The following CDH4 variants were observed in gnomAD, a reference collection of about 807,000 sequenced individuals.
CDH4 encodes cadherin-4.
A neutral mutation model predicts 86.0 loss-of-function variants in CDH4; 33 were observed. The ratio of observed to expected loss-of-function variants is 0.38; its 90% confidence interval spans 0.29 to 0.51. The LOEUF is 0.51. CDH4 is among the 20% of genes least tolerant of loss of function. CDH4 has a pLI of 0.86. For synonymous variants in CDH4, 555 were observed against 549.4 expected (o/e 1.01, Z -0.14); for missense variants, 1,114 against 1,307.4 (o/e 0.85, Z 2.28).
rs111999856 is a variant in CDH4 at position 61,793,120 on chromosome 20, G to A, written c.576+19938G>A. Among the ~76,000 whole-genome samples, 242 of 151,950 alleles carry A rather than the reference G, an allele frequency of 1.6e-3. 1 individual carries two copies. The highest frequency in any genetic ancestry group is 5.7e-3 in the African/African-American group (235 of 41,426). On this transcript the variant is annotated intron_variant, in intron 4 of 15. Coordinates refer to ENST00000614565, the MANE Select transcript of CDH4 (RefSeq NM_001794.5). ...TGGGATTACAAGCGCCTGCCACTAC[G>A]CCCAACTAATTTTTTGTATTTTTTA... is the stretch of plus-strand genomic sequence containing the variant.
chr20:61,598,512 C>T (rs560056541), intron 2 of CDH4, among the ~76,000 whole-genome samples: 61 of 152,256 alleles, frequency 4.0e-4, no homozygotes, highest in Non-Finnish European at 8.2e-4. Flanking sequence ...CCTCCTGAAA[C>T]AAAAGGGACC....
intron 7 of CDH4, among the ~76,000 whole-genome samples, chr20:61,883,836 G>T (rs1299759914): frequency 2.0e-5 from 3 of 152,208 alleles, no homozygotes; most frequent in Non-Finnish European, 4.4e-5. Context: ...AGTCATTCCT[G>T]GCAGCTCCTC....
chr20:61,327,524 T>C (rs556650739), intron 2 of CDH4, among the ~76,000 whole-genome samples: 2 of 152,290 alleles, frequency 1.3e-5, no homozygotes, highest in South Asian at 4.2e-4. Context: ...CCAGTCAGAT[T>C]GGCAAAGATT....
At chr20:61,671,609 G>GTAGAT (rs1361983166) in intron 2 of CDH4, among the ~76,000 whole-genome samples, 2 of 151,656 alleles carry the variant, frequency 1.3e-5, no homozygotes, top group Non-Finnish European at 2.9e-5. Context: ...GGATGGATGG[G>GTAGAT]TAGATGGATG....
At chr20:61,874,007 G>A (rs1426224004) in intron 7 of CDH4, 107 bp downstream of exon 7, 8 of 1,196,118 alleles carry the variant, frequency 6.7e-6, no homozygotes, top group South Asian at 1.4e-5. Flanking sequence ...GGGAGTGATC[G>A]ACAGTCTCCC....
intron 2 of CDH4, among the ~76,000 whole-genome samples, chr20:61,724,646 T>G (rs888064534): frequency 6.6e-6 from 1 of 152,294 alleles, no homozygotes. Context: ...GGCTGTCCAC[T>G]TGGGGGCAGC....
intron 8 of CDH4, among the ~76,000 whole-genome samples, chr20:61,907,866 T>G (rs2054808014): frequency 6.6e-6 from 1 of 152,234 alleles, no homozygotes; most frequent in Middle Eastern, 3.4e-3. Flanking sequence ...AATCCTCAGA[T>G]GAGATCTGTG....
chr20:61,682,382 TGATG>T (rs1338019051), intron 2 of CDH4, among the ~76,000 whole-genome samples: 3 of 126,030 alleles, frequency 2.4e-5, no homozygotes, highest in Non-Finnish European at 4.8e-5. Context: ...GGTGGATGGA[TGATG>T]GATGGATAGA....
At position 61,665,304 on chromosome 20, in the gene CDH4, T is replaced by A. The variant is rs891472841; in HGVS notation, c.170-78259T>A. Among the ~76,000 whole-genome samples the A allele has an allele frequency of 2.0e-5, 3 of 152,250 alleles. No individual in the cohort carries two copies. The South Asian group carries it at 6.2e-4, about 31-fold the overall frequency. On this transcript the variant is annotated intron_variant, in intron 2 of 15. Transcript: ENST00000614565. ...CTCCCGCCCTTCAATTCGGCAGCTG[T>A]TTCTGCTGTTCTCTGGCTTGGCCAG...
At chr20:61,554,754 CAT>C (rs1209934332) in intron 2 of CDH4, among the ~76,000 whole-genome samples, 5 of 152,250 alleles carry the variant, frequency 3.3e-5, no homozygotes, top group Non-Finnish European at 7.3e-5. Flanking sequence ...CATGCATGAA[CAT>C]ATATGTGCAT....
intron 2 of CDH4, among the ~76,000 whole-genome samples, chr20:61,352,507 G>A (rs2084718649): frequency 6.6e-6 from 1 of 152,200 alleles, no homozygotes; most frequent in Non-Finnish European, 1.5e-5. Flanking sequence ...CTGCCAGCGG[G>A]GTGTGAGCCG....
chr20:61,733,131 AAAG>A (rs2088215374), intron 2 of CDH4, among the ~76,000 whole-genome samples: 2 of 152,062 alleles, frequency 1.3e-5, no homozygotes, highest in South Asian at 2.1e-4. Flanking sequence ...GGAGGGTGGG[AAAG>A]AAGAAGGGCA....
chr20:61,481,522 G>A (rs1245168273), intron 2 of CDH4, among the ~76,000 whole-genome samples: 2 of 152,226 alleles, frequency 1.3e-5, no homozygotes, highest in Non-Finnish European at 1.5e-5. Context: ...TATGTCATCT[G>A]TGCAACCATA....
chr20:61,475,546 C>G (rs2085529818), intron 2 of CDH4, among the ~76,000 whole-genome samples: 1 of 42 alleles, frequency 0.024, no homozygotes, highest in Non-Finnish European at 0.071. Context: ...CTCCCTCTCT[C>G]CCTGCCCCCC....
intron 2 of CDH4, among the ~76,000 whole-genome samples, chr20:61,423,740 C>T (rs2085193303): frequency 6.6e-6 from 1 of 152,036 alleles, no homozygotes. Flanking sequence ...ATTAATAACA[C>T]TTCCTCAGGT....
intron 2 of CDH4, among the ~76,000 whole-genome samples, chr20:61,371,037 T>G (rs2084837499): frequency 6.6e-6 from 1 of 152,214 alleles, no homozygotes; most frequent in Non-Finnish European, 1.5e-5. Context: ...GGGGATTTTT[T>G]ATTTGGGAGC....
intron 2 of CDH4, among the ~76,000 whole-genome samples, chr20:61,365,198 T>C (rs1192901741): frequency 6.6e-6 from 1 of 152,190 alleles, no homozygotes; most frequent in East Asian, 1.9e-4. Flanking sequence ...GGGGCAGAAA[T>C]GGTTTCCATG....
chr20:61,739,477 C>T (rs1568788307), intron 2 of CDH4, among the ~76,000 whole-genome samples: 1 of 152,134 alleles, frequency 6.6e-6, no homozygotes, highest in Non-Finnish European at 1.5e-5. Flanking sequence ...GGGAATGAAA[C>T]AAAAACAGGT....
intron 2 of CDH4, among the ~76,000 whole-genome samples, chr20:61,482,928 C>A (rs375059791): frequency 6.6e-6 from 1 of 152,134 alleles, no homozygotes; most frequent in South Asian, 2.1e-4. Flanking sequence ...ATCAAGAAGC[C>A]GAGGCACAGG....
Sources: allele counts gnomAD v4.1 joint callset (sites outside exome capture counted in the v4.1 genomes callset), GRCh38; gene constraint gnomAD v4.1.1; transcripts MANE v1.5; gene names NCBI Gene and HGNC (gene_info 2026-07-23, HGNC 2026-07-21).